ZNF33B: variants seen among roughly 807,000 people sequenced by gnomAD.
ZNF33B encodes zinc finger protein 33B, also known as zinc finger protein 11b (KOX 2).
A neutral mutation model predicts 45.8 loss-of-function variants in ZNF33B; 29 were observed. That is an observed-to-expected ratio of 0.63 (90% CI 0.47 to 0.86). The LOEUF is 0.86. Ranked by LOEUF, ZNF33B falls within the 40% of genes least tolerant of loss-of-function variation. ZNF33B has a pLI of 0.00. For synonymous variants in ZNF33B, 305 were observed against 307.8 expected, an observed-to-expected ratio of 0.99 and a Z score of 0.10; for missense variants, 831 against 909.9, an observed-to-expected ratio of 0.91 and a Z score of 1.12.
In ZNF33B at chr10:42,593,774, T is replaced by C. The variant is rs1837261991; in HGVS notation, c.1176A>G (p.Lys392=). ...TGAGGGCTGACTTATGGCTAAAGGC[T>C]TTCCCACATTCATTGCATTCAAAAG... The part of the protein sequence containing the change: ...EKPFECNECG[K]AFSHKSALTL... Residue 392 remains lysine (K), a synonymous_variant, in exon 5 of 5, where the codon AAA becomes AAG. Transcript: ENST00000359467. The C allele has an allele frequency of 6.2e-7, 1 of 1,613,888 alleles. No individual in the cohort carries two copies. Among genetic ancestry groups the C allele is most frequent in the African/African-American group, 1.3e-5 (1 of 74,918 alleles).
intron 1 of ZNF33B, chr10:42,581,939 ACC>A (rs1040515976): frequency 2.6e-5 from 4 of 152,052 alleles, no homozygotes; most frequent in Non-Finnish European, 5.9e-5. Flanking sequence ...ACATGGTGAA[ACC>A]CCGTCTCTAC....
Position 42,593,275 on chromosome 10 carries a change from C to T in ZNF33B, c.1675G>A (p.Gly559Arg). ...GEKPFACPEC[G>R]KFFSHKSTLS... ...GTTGACTTATGGCTAAAGAATTTCC[C>T]ACATTCAGGACATGCAAAGGGTTTC... The change falls in exon 5 of 5, where the codon GGG becomes AGG. Residue 559 changes from glycine to arginine, a missense_variant. By Grantham distance (125) the Gly-to-Arg change is moderately radical (BLOSUM62 -2). Transcript: ENST00000359467. The T allele has an allele frequency of 6.2e-7, 1 of 1,614,042 alleles. No individual in the cohort carries two copies. The highest frequency in any genetic ancestry group is 8.5e-7 in the Non-Finnish European group (1 of 1,179,992).
At chr10:42,626,451 A>G (rs530802377) in intron 4 of ZNF33B, among the ~76,000 whole-genome samples, 1 of 152,232 alleles carries the variant, frequency 6.6e-6, no homozygotes, top group East Asian at 1.9e-4. Flanking sequence ...GCACTTCGGG[A>G]GGCTGAGGTG....
At position 42,608,846 on chromosome 10, in the gene ZNF33B, A is replaced by G. The variant is rs185694243; in HGVS notation, c.251-14147T>C. 4.9e-4 allele frequency among the ~76,000 whole-genome samples: 75 copies of G among 151,986 alleles called. 1 individual carries two copies. Among genetic ancestry groups the G allele is most frequent in the African/African-American group, 1.7e-3 (70 of 41,396 alleles). On this transcript the variant is annotated intron_variant, in intron 4 of 4. Coordinates refer to ENST00000359467, the MANE Select transcript of ZNF33B (RefSeq NM_006955.3). ...AATAGCAGATTCCTGGAAAAGATCA[A>G]CAAAATATACAAACCTCTAATTAGA...
intron 4 of ZNF33B, among the ~76,000 whole-genome samples, chr10:42,631,067 G>A (rs1164448575): frequency 6.6e-6 from 1 of 152,046 alleles, no homozygotes; most frequent in Non-Finnish European, 1.5e-5. Flanking sequence ...ACCTCAGTAA[G>A]GTTTCCCCTG....
chr10:42,579,397 T>A (rs1338897568), intron 1 of ZNF33B, among the ~76,000 whole-genome samples: 1 of 152,232 alleles, frequency 6.6e-6, no homozygotes, highest in African/African-American at 2.4e-5. Flanking sequence ...GTTTTCACAT[T>A]TTGAAACTAA....
At chr10:42,603,310 G>A (rs1837704465) in intron 4 of ZNF33B, among the ~76,000 whole-genome samples, 1 of 152,206 alleles carries the variant, frequency 6.6e-6, no homozygotes, top group Non-Finnish European at 1.5e-5. Flanking sequence ...TCAGAACAGA[G>A]TTTGGGTGAG....
At chr10:42,625,610 A>T (rs1838772682) in intron 4 of ZNF33B, among the ~76,000 whole-genome samples, 1 of 152,130 alleles carries the variant, frequency 6.6e-6, no homozygotes, top group Non-Finnish European at 1.5e-5. Flanking sequence ...AGTAGCTGGG[A>T]TTACTGGCAT....
At chr10:42,615,252 T>A (rs962071058) in intron 4 of ZNF33B, among the ~76,000 whole-genome samples, 1 of 152,172 alleles carries the variant, frequency 6.6e-6, no homozygotes, top group Non-Finnish European at 1.5e-5. Context: ...TACATGTCCA[T>A]GTGAAAACTT....
intron 4 of ZNF33B, among the ~76,000 whole-genome samples, chr10:42,626,637 G>A (rs571722019): frequency 4.8e-4 from 73 of 151,836 alleles, no homozygotes; most frequent in African/African-American, 1.5e-3. Context: ...GCAGTGAGCC[G>A]AGATTGCACC....
downstream of ZNF33B, among the ~76,000 whole-genome samples, chr10:42,587,569 G>A (rs530390207): frequency 2.6e-5 from 4 of 152,182 alleles, no homozygotes; most frequent in East Asian, 1.9e-4. Flanking sequence ...ACTTTTGGAG[G>A]GGACACAAAC....
intron 4 of ZNF33B, among the ~76,000 whole-genome samples, chr10:42,604,656 T>C (rs1173832701): frequency 2.0e-5 from 3 of 152,160 alleles, no homozygotes; most frequent in Non-Finnish European, 4.4e-5. Flanking sequence ...CTCACGCCTG[T>C]AATCCCAGCA....
chr10:42,579,418 A>G (rs554092352), intron 1 of ZNF33B, among the ~76,000 whole-genome samples: 1 of 152,292 alleles, frequency 6.6e-6, no homozygotes, highest in South Asian at 2.1e-4. Flanking sequence ...TGTTTCATTC[A>G]ATGTCCCCTT....
chr10:42,576,954 G>A (rs1011849078), intron 1 of ZNF33B, among the ~76,000 whole-genome samples: 3 of 151,992 alleles, frequency 2.0e-5, no homozygotes, highest in African/African-American at 7.2e-5. Context: ...CCAACAAGAT[G>A]AAACCCTGTC....
intron 4 of ZNF33B, among the ~76,000 whole-genome samples, chr10:42,610,676 A>C (rs1162782416): frequency 3.3e-5 from 5 of 152,258 alleles, no homozygotes; most frequent in Non-Finnish European, 7.3e-5. Context: ...AGACAGCCTA[A>C]ATAAATGGAA....
At chr10:42,630,735 T>C (rs190091184) in intron 4 of ZNF33B, among the ~76,000 whole-genome samples, 1 of 152,302 alleles carries the variant, frequency 6.6e-6, no homozygotes, top group East Asian at 1.9e-4. Flanking sequence ...CTGCCCAATA[T>C]TTTCTCTACA....
intron 1 of ZNF33B, among the ~76,000 whole-genome samples, chr10:42,581,129 G>A (rs911721862): frequency 5.9e-5 from 9 of 152,122 alleles, no homozygotes; most frequent in East Asian, 5.8e-4. Flanking sequence ...AAGTGAAGAC[G>A]TATTTCCTTT....
intron 4 of ZNF33B, among the ~76,000 whole-genome samples, chr10:42,619,924 A>G (rs1346522653): frequency 6.6e-6 from 1 of 150,962 alleles, no homozygotes; most frequent in Non-Finnish European, 1.5e-5. Flanking sequence ...ATAAAAATAT[A>G]AAAATCAGGC....
Position 42,592,441 on chromosome 10 carries a change from T to A in ZNF33B, c.*172A>T. 1 of 964,082 alleles carries A rather than the reference T, an allele frequency of 1.0e-6. No individual in the cohort carries two copies. The highest frequency in any genetic ancestry group is 1.5e-6 in the Non-Finnish European group (1 of 653,734). 59.7% of individuals were successfully genotyped at this position (964,082 alleles called of 1,614,324 possible). On this transcript the variant is annotated 3_prime_UTR_variant, in exon 5 of 5. Coordinates refer to ENST00000359467, the MANE Select transcript of ZNF33B (RefSeq NM_006955.3). The stretch of plus-strand genomic sequence containing the variant: ...TATCACTTCCTAACAAAAGCCATCC[T>A]ATAGTTGTTGTAGTCTATGGGTTTA...
Sources: allele counts gnomAD v4.1 joint callset (sites outside exome capture counted in the v4.1 genomes callset), GRCh38; gene constraint gnomAD v4.1.1; transcripts MANE v1.5; gene names NCBI Gene and HGNC (gene_info 2026-07-23, HGNC 2026-07-21).